Variants in RIPOR3 observed in about 807,000 individuals in gnomAD.
The protein encoded by RIPOR3 is family with sequence similarity 65 member C.
Under a neutral mutation model 114.3 loss-of-function variants are expected in RIPOR3, and 95 were observed. The observed-to-expected ratio is 0.83, with a 90% CI of 0.70 to 0.99. The LOEUF is 0.99. RIPOR3 is among the 50% of genes least tolerant of loss of function. The pLI is 0.00. For synonymous variants in RIPOR3, 575 were observed against 543.8 expected, an observed-to-expected ratio of 1.06 and a Z score of -0.80; for missense variants, 1,252 against 1,266.9, an observed-to-expected ratio of 0.99 and a Z score of 0.18.
At chr20:50,607,294 G>A (rs955133013) in intron 11 of RIPOR3, among the ~76,000 whole-genome samples, 1 of 152,220 alleles carries the variant, frequency 6.6e-6, no homozygotes, top group African/African-American at 2.4e-5. Context: ...AACATGCACA[G>A]GGAAGGGTGG....
chr20:50,637,161 C>T (rs942993850), intron 1 of RIPOR3, among the ~76,000 whole-genome samples: 1 of 152,156 alleles, frequency 6.6e-6, no homozygotes, highest in Non-Finnish European at 1.5e-5. Flanking sequence ...CAGTCCAACT[C>T]GCTCATTTTA....
chr20:50,595,295 G>T lies in RIPOR3; in HGVS notation c.2050+74C>A, dbSNP rs1326714428. ...AACTCTGGCTATTAGGAAGGCAGAA[G>T]AGGCTCCCCGAGCTTTGATCCCGTC... On this transcript the variant is annotated intron_variant, in intron 16 of 21. Transcript: ENST00000327979. The T allele has an allele frequency of 2.6e-6, 4 of 1,567,288 alleles. No individual in the cohort carries two copies. In the Admixed American group the frequency reaches 5.2e-5, roughly 20 times the overall value.
Position 50,595,170 on chromosome 20 carries a change from G to C in RIPOR3, c.2050+199C>G, listed in dbSNP as rs1601451449. ...GCCTAGAGTCACACAGCTGACTGAA[G>C]AGTGTGCTGCAACTCCAGGACTTGT... On this transcript the variant is annotated intron_variant, in intron 16 of 21. Transcript: ENST00000327979. 6.1e-6 allele frequency: 4 copies of C among 653,256 alleles called. No individual in the cohort carries two copies. The East Asian group carries it at 1.0e-4, about 17-fold the overall frequency. 40.5% of individuals were successfully genotyped at this position (653,256 alleles called of 1,614,324 possible). A position where few individuals can be genotyped will look rare whatever the true frequency, so the allele number is the denominator to read the frequency against.
intron 16 of RIPOR3, chr20:50,594,937 G>A (rs1235232796): frequency 1.8e-6 from 1 of 544,040 alleles, no homozygotes; most frequent in Non-Finnish European, 3.3e-6. Flanking sequence ...CCTGGGAGGG[G>A]CTGCTGTCAC....
At position 50,590,357 on chromosome 20, in the gene RIPOR3, C is replaced by T. The variant is rs185655778; in HGVS notation, c.2578-588G>A. Reference sequence around the variant, plus strand: ...GTCAGAAAGCACACAGGGTTATGCCCGGCCCGCAGTGGAGTCCAGCGTCTG... The same window carrying T: ...GTCAGAAAGCACACAGGGTTATGCCTGGCCCGCAGTGGAGTCCAGCGTCTG... On this transcript the variant is annotated intron_variant, in intron 19 of 21. Transcript: ENST00000327979. 1.5e-3 allele frequency among the ~76,000 whole-genome samples: 230 copies of T among 152,350 alleles called. 1 individual carries two copies. The highest frequency in any genetic ancestry group is 5.3e-3 in the African/African-American group (219 of 41,582).
chr20:50,675,586 C>G (rs1309150335), intron 1 of RIPOR3, among the ~76,000 whole-genome samples: 1 of 152,206 alleles, frequency 6.6e-6, no homozygotes, highest in Admixed American at 6.5e-5. Flanking sequence ...CCTCACCGAC[C>G]ACACTGTGCT....
At chr20:50,592,627 C>T in intron 18 of RIPOR3, 81 bp from the exon 19 acceptor site, 1 of 1,260,860 alleles carries the variant, frequency 7.9e-7, no homozygotes, top group Non-Finnish European at 1.0e-6. Flanking sequence ...TGGCTGCTGC[C>T]AGTAGCCACA....
rs975363579 is a variant in RIPOR3, at chr20:50,592,417, C to T, written c.2504G>A (p.Gly835Asp). 2 of 1,612,140 alleles carry T rather than the reference C, an allele frequency of 1.2e-6. No homozygotes were observed. The highest frequency in any genetic ancestry group is 1.7e-6 in the Non-Finnish European group (2 of 1,179,116). Residue 835 changes from glycine (G) to aspartate (D), a missense_variant, in exon 19 of 22, where the codon GGC becomes GAC. Physicochemically the swap from Gly to Asp is moderately conservative, Grantham distance 94 (BLOSUM62 -1). Transcript: ENST00000327979. ...GGCCGCCCTGCACACCCTCGGAGTG[C>T]CGTCCAGCTGGAGCAGCGCCCAGGC... Reference protein sequence around the residue: ...LRAWALLQLDGTPRVCRAASA... With the variant: ...LRAWALLQLDDTPRVCRAASA...
intron 1 of RIPOR3, among the ~76,000 whole-genome samples, chr20:50,679,412 G>A (rs2086788849): frequency 6.6e-6 from 1 of 151,114 alleles, no homozygotes; most frequent in African/African-American, 2.4e-5. Context: ...GGAGGCTGAG[G>A]TGGGAGGATC....
chr20:50,643,209 G>C (rs1176144873), intron 1 of RIPOR3, among the ~76,000 whole-genome samples: 1 of 148,138 alleles, frequency 6.8e-6, no homozygotes, highest in Non-Finnish European at 1.5e-5. Flanking sequence ...TGCAACCTTT[G>C]CCTCCAGGCT....
intron 2 of RIPOR3, among the ~76,000 whole-genome samples, chr20:50,628,345 G>T (rs1208094842): frequency 6.6e-6 from 1 of 152,006 alleles, no homozygotes; most frequent in African/African-American, 2.4e-5. Flanking sequence ...GTGTCTCAAG[G>T]CCTCACTGCA....
At chr20:50,603,605 C>T (rs954273147) in intron 12 of RIPOR3, among the ~76,000 whole-genome samples, 5 of 152,204 alleles carry the variant, frequency 3.3e-5, no homozygotes, top group African/African-American at 1.2e-4. Flanking sequence ...GAAACAGCAG[C>T]AGCTGTCATT....
At chr20:50,676,844 T>A (rs1056662072) in intron 1 of RIPOR3, among the ~76,000 whole-genome samples, 6 of 68,510 alleles carry the variant, frequency 8.8e-5, no homozygotes, top group African/African-American at 2.7e-4. Flanking sequence ...GCTCAAGCAA[T>A]CCTCCTGCCT....
intron 1 of RIPOR3, among the ~76,000 whole-genome samples, chr20:50,666,775 G>A (rs146968453): frequency 6.6e-6 from 1 of 151,656 alleles, no homozygotes; most frequent in South Asian, 2.1e-4. Flanking sequence ...TGGCCAGGCT[G>A]GTCTCTAACT....
In RIPOR3 at chr20:50,586,958, A is replaced by G; in HGVS notation, c.*274T>C. 1 of 381,922 alleles carries G rather than the reference A, an allele frequency of 2.6e-6. No homozygotes were observed. 23.7% of individuals were successfully genotyped at this position (381,922 alleles called of 1,614,324 possible). ...TTTGGCTCAGCTCTGCATCTCGGGGAAGGTCACACAGACCCTCAGCCAGAA... is the reference window on the plus strand; with the variant it reads ...TTTGGCTCAGCTCTGCATCTCGGGGGAGGTCACACAGACCCTCAGCCAGAA... On this transcript the variant is annotated 3_prime_UTR_variant, in exon 22 of 22. Coordinates refer to ENST00000327979, the MANE Select transcript of RIPOR3 (RefSeq NM_001290268.2).
chr20:50,657,584 A>G (rs1311445961), intron 1 of RIPOR3, among the ~76,000 whole-genome samples: 1 of 152,128 alleles, frequency 6.6e-6, no homozygotes, highest in African/African-American at 2.4e-5. Flanking sequence ...AGCTGCATTG[A>G]GGATTATTAC....
At chr20:50,603,640 A>G (rs756166698) in intron 12 of RIPOR3, among the ~76,000 whole-genome samples, 5 of 152,204 alleles carry the variant, frequency 3.3e-5, no homozygotes, top group Admixed American at 6.5e-5. Flanking sequence ...TGCCGGCCCT[A>G]TTCCAGGGCC....
At chr20:50,600,661 G>GA (rs769294973) in intron 13 of RIPOR3, among the ~76,000 whole-genome samples, 191 of 152,282 alleles carry the variant, frequency 1.3e-3, no homozygotes, top group Non-Finnish European at 1.9e-3. Flanking sequence ...TCAGGAGGCT[G>GA]AGGGGGGAGG....
At chr20:50,652,770 C>T (rs2085666359) in intron 1 of RIPOR3, among the ~76,000 whole-genome samples, 1 of 152,172 alleles carries the variant, frequency 6.6e-6, no homozygotes, top group South Asian at 2.1e-4. Context: ...GGGCGGTCGT[C>T]ATCCAAAAGA....
Sources: gnomAD v4.1 joint callset for allele counts (sites outside exome capture counted in the v4.1 genomes callset) on GRCh38, gnomAD v4.1.1 for gene constraint, MANE v1.5 for transcripts, NCBI Gene and HGNC (gene_info 2026-07-23, HGNC 2026-07-21) for gene names.